Variants in SAMD4A observed in about 807,000 individuals in gnomAD.
SAMD4A encodes the protein sterile alpha motif domain containing 4A, also known as protein Smaug homolog 1.
A neutral mutation model predicts 81.3 loss-of-function variants in SAMD4A; 33 were observed. The ratio of observed to expected loss-of-function variants is 0.41; its 90% CI spans 0.31 to 0.54. SAMD4A has a LOEUF of 0.54. SAMD4A is among the 20% of genes least tolerant of loss of function. SAMD4A has a pLI of 0.37. For missense variants in SAMD4A, 854 were observed against 951.1 expected (o/e 0.90, Z 1.34); for synonymous variants, 389 against 382.1 (o/e 1.02, Z -0.21).
intron 2 of SAMD4A, among the ~76,000 whole-genome samples, chr14:54,619,646 T>C (rs2034569213): frequency 6.6e-6 from 1 of 152,150 alleles, no homozygotes; most frequent in Non-Finnish European, 1.5e-5. Context: ...CCTCCCACCC[T>C]CTCCACTCTG....
intron 2 of SAMD4A, among the ~76,000 whole-genome samples, chr14:54,624,839 C>T (rs973186373): frequency 3.3e-5 from 5 of 151,732 alleles, no homozygotes; most frequent in East Asian, 1.9e-4. Flanking sequence ...GGATACAGCA[C>T]GGATATACAG....
At chr14:54,760,524 C>T in intron 7 of SAMD4A, 30 bp downstream of exon 7, 3 of 1,382,684 alleles carry the variant, frequency 2.2e-6, no homozygotes, top group Middle Eastern at 1.9e-4. Context: ...TTTCTTTTTT[C>T]TTCTGGATAC....
intron 6 of SAMD4A, among the ~76,000 whole-genome samples, chr14:54,755,459 T>A (rs1242340860): frequency 6.6e-6 from 1 of 152,108 alleles, no homozygotes; most frequent in Non-Finnish European, 1.5e-5. Flanking sequence ...GTCAAGAGCG[T>A]GGACAGGCCC....
At chr14:54,728,714 C>G (rs746325798) in intron 3 of SAMD4A, among the ~76,000 whole-genome samples, 25 of 152,098 alleles carry the variant, frequency 1.6e-4, no homozygotes, top group Non-Finnish European at 2.5e-4. Flanking sequence ...TTAGTCAGGG[C>G]TACATAATAC....
intron 11 of SAMD4A, among the ~76,000 whole-genome samples, chr14:54,776,855 AGTGTGTGTGTGTGTGT>A (rs34095224): frequency 4.0e-5 from 6 of 149,852 alleles, no homozygotes; most frequent in South Asian, 2.1e-4. Flanking sequence ...CTCCATGTGT[AGTGTGTGTGTGTGTGT>A]GTGTGTGTGT....
At chr14:54,754,732 T>G (rs2038194879) in intron 6 of SAMD4A, 1 of 593,490 alleles carries the variant, frequency 1.7e-6, no homozygotes, top group African/African-American at 2.0e-5. Context: ...CCCATATTCT[T>G]ACCTCACATA....
At chr14:54,711,089 TTGCTGAAC>T (rs773461735) in intron 3 of SAMD4A, among the ~76,000 whole-genome samples, 19 of 152,304 alleles carry the variant, frequency 1.2e-4, no homozygotes, top group Non-Finnish European at 2.6e-4. Context: ...CCATAAATGT[TTGCTGAAC>T]AGTAGGGACT....
At position 54,748,457 on chromosome 14, in the gene SAMD4A, ACC is replaced by A. The variant is rs1356004603; in HGVS notation, c.980-355_980-354del. On this transcript the variant is annotated intron_variant, in intron 4 of 12. Transcript: ENST00000554335. The stretch of plus-strand genomic sequence containing the variant: ...TTCCCTGCCATCTTTTTGGTCATGA[ACC>A]CCTTTGGGAATCTTATAGAAGCTAT... Among the ~76,000 whole-genome samples the A allele has an allele frequency of 2.0e-5, 3 of 151,976 alleles. No homozygotes were observed. In the East Asian group the frequency reaches 5.8e-4, roughly 29 times the overall value.
chr14:54,685,420 C>A (rs1175437028), intron 2 of SAMD4A, among the ~76,000 whole-genome samples: 1 of 152,200 alleles, frequency 6.6e-6, no homozygotes, highest in Admixed American at 6.5e-5. Context: ...TATGTTATAG[C>A]ATGCACTGGA....
At chr14:54,597,483 C>A (rs2033941650) in intron 2 of SAMD4A, among the ~76,000 whole-genome samples, 1 of 151,550 alleles carries the variant, frequency 6.6e-6, no homozygotes, top group Admixed American at 6.6e-5. Flanking sequence ...CCATGTTGGT[C>A]AGGCTGGTCT....
At chr14:54,653,301 ATATTATTATTATTATTATTAT>A (rs71448404) in intron 2 of SAMD4A, among the ~76,000 whole-genome samples, 95 of 130,392 alleles carry the variant, frequency 7.3e-4, no homozygotes, top group Admixed American at 2.5e-3. Context: ...CTTCCTCTTA[ATATTATTATTATTATTATTAT>A]TATTATTATT....
Position 54,789,124 on chromosome 14 carries a change from C to T in SAMD4A, c.*180C>T, listed in dbSNP as rs1382213149. On this transcript the variant is annotated 3_prime_UTR_variant, in exon 13 of 13. Transcript: ENST00000554335. ...CATCCTCGTAAACATATCAGTAGAC[C>T]TGGGGTTGGTTATTTTGTCATTTGT... 7 of 599,482 alleles carry T rather than the reference C, an allele frequency of 1.2e-5. No homozygotes were observed. Among genetic ancestry groups the T allele is most frequent in the Non-Finnish European group, 1.2e-5 (4 of 336,386 alleles). 37.1% of individuals were successfully genotyped at this position (599,482 alleles called of 1,614,324 possible).
At chr14:54,688,394 TG>T in intron 2 of SAMD4A, 1 of 983,824 alleles carries the variant, frequency 1.0e-6, no homozygotes, top group Non-Finnish European at 1.2e-6. Flanking sequence ...GGGGATTGTG[TG>T]GGGGTGGTTT....
At chr14:54,773,773 C>T (rs1175229372) in intron 9 of SAMD4A, among the ~76,000 whole-genome samples, 1 of 152,260 alleles carries the variant, frequency 6.6e-6, no homozygotes, top group Non-Finnish European at 1.5e-5. Context: ...CCTCGCCCCA[C>T]AGGTGGCATC....
At chr14:54,566,303 G>A (rs568041727), upstream of SAMD4A, among the ~76,000 whole-genome samples, 11 of 151,716 alleles carry the variant, frequency 7.3e-5, 1 homozygote, top group Admixed American at 1.3e-4. Context: ...GGGATGAGCC[G>A]CGCCGAGGTG....
At chr14:54,675,360 C>G (rs2035968752) in intron 2 of SAMD4A, among the ~76,000 whole-genome samples, 1 of 38,454 alleles carries the variant, frequency 2.6e-5, no homozygotes, top group African/African-American at 6.5e-5. Flanking sequence ...GAGTGAAACT[C>G]CGTCTCCAAA....
chr14:54,735,489 T>C (rs181122679), intron 3 of SAMD4A, among the ~76,000 whole-genome samples: 27 of 152,330 alleles, frequency 1.8e-4, no homozygotes, highest in Admixed American at 1.5e-3. Context: ...TAGCTCTCTT[T>C]TGTCCTCCCT....
intron 12 of SAMD4A, 104 bp from the exon 13 acceptor site, chr14:54,788,812 C>A (rs563997149): frequency 3.5e-5 from 48 of 1,380,906 alleles, no homozygotes; most frequent in Non-Finnish European, 4.6e-5. Context: ...CCCTTCTCTG[C>A]CCTCAGAGGC....
intron 3 of SAMD4A, among the ~76,000 whole-genome samples, chr14:54,711,896 C>G (rs1397356004): frequency 6.6e-6 from 1 of 152,158 alleles, no homozygotes; most frequent in Non-Finnish European, 1.5e-5. Context: ...CCTAATGCGG[C>G]AAGAGTCAGC....
Sources: allele counts gnomAD v4.1 joint callset (sites outside exome capture counted in the v4.1 genomes callset), GRCh38; gene constraint gnomAD v4.1.1; transcripts MANE v1.5; gene names NCBI Gene and HGNC (gene_info 2026-07-23, HGNC 2026-07-21).